CATSPERE: variants seen among roughly 807,000 people sequenced by gnomAD.
CATSPERE encodes the protein cation channel sperm-associated auxiliary subunit epsilon.
A neutral mutation model predicts 114.1 loss-of-function variants in CATSPERE; 93 were observed. That is an observed-to-expected ratio of 0.81 (90% confidence interval 0.69 to 0.97). The LOEUF is 0.97. CATSPERE is among the 50% of genes least tolerant of loss of function. The probability of loss-of-function intolerance (pLI) is 0.00; values close to 1 mark genes in which losing one functional copy is unlikely to be tolerated. For missense variants in CATSPERE, 1,058 were observed against 1,131.6 expected, an observed-to-expected ratio of 0.93 and a Z score of 0.93; for synonymous variants, 341 against 384.1, an observed-to-expected ratio of 0.89 and a Z score of 1.31.
Position 244,617,560 on chromosome 1 carries a change from GA to G in CATSPERE, c.2526del (p.Lys842AsnfsTer5), listed in dbSNP as rs1490073687. 1 of 1,526,692 alleles carries G rather than the reference GA, an allele frequency of 6.6e-7. No individual in the cohort carries two copies. The highest frequency in any genetic ancestry group is 8.8e-7 in the Non-Finnish European group (1 of 1,139,608). The allele number at this position is 1,526,692 out of a possible 1,614,324, so 94.6% of individuals were successfully genotyped here. A position where few individuals can be genotyped will look rare whatever the true frequency, so the allele number is the denominator to read the frequency against. On this transcript the variant is annotated frameshift_variant, in exon 20 of 22. Transcript: ENST00000366534. LOFTEE classifies it high-confidence loss of function. ...NYKHCFSYAI[G>X]KPGDLNQPYE... ...AAACACTGTTTTTCTTATGCTATTG[GA>G]AAACCAGGAGACTTAAATCAACCAT... is the stretch of plus-strand genomic sequence containing the variant.
chr1:244,595,720 A>T (rs1668303674), intron 17 of CATSPERE, among the ~76,000 whole-genome samples: 2 of 152,178 alleles, frequency 1.3e-5, no homozygotes, highest in Admixed American at 1.3e-4. Context: ...TCACGAGGTC[A>T]GGAGATCAAG....
rs368799106 is a variant in CATSPERE at position 244,637,060 on chromosome 1, G to A, written c.2702+1518G>A. ...CCTTGGGGAAACCAGACTCTCCCCC[G>A]AGGACACTGCTCCACCTTCTGGCCT... On this transcript the variant is annotated intron_variant, in intron 21 of 21. Transcript: ENST00000366534. Among the ~76,000 whole-genome samples the A allele has an allele frequency of 3.1e-4, 47 of 151,994 alleles. No individual in the cohort carries two copies. In the East Asian group the frequency reaches 6.8e-3, roughly 22 times the overall value.
rs145197836 is a variant in CATSPERE at position 244,572,372 on chromosome 1, T to A, written c.1550T>A (p.Ile517Lys). The A allele has an allele frequency of 1.7e-5, 26 of 1,520,042 alleles. No individual in the cohort carries two copies. Among genetic ancestry groups the A allele is most frequent in the African/African-American group, 5.5e-5 (4 of 72,314 alleles). The allele number at this position is 1,520,042 out of a possible 1,614,324, so 94.2% of individuals were successfully genotyped here. ...DILVKMENNV[I>K]FYSKINTRDA... is the part of the protein sequence containing the mutation. The stretch of plus-strand genomic sequence containing the variant: ...TTGGTAAAAATGGAAAATAATGTAA[T>A]ATTTTATTCCAAGATTAATACTAGA... The change falls in exon 11 of 22, where the codon ATA (isoleucine) becomes AAA (lysine). Residue 517 changes from isoleucine to lysine, a missense_variant. Physicochemically the swap from Ile to Lys is moderately radical, Grantham distance 102. This residue lies in a region of CATSPERE where 787 missense variants were observed against 905.6 expected (regional missense o/e 0.87). Coordinates refer to ENST00000366534, the MANE Select transcript of CATSPERE (RefSeq NM_001130957.2).
chr1:244,583,532 A>G (rs1472301857), intron 12 of CATSPERE, among the ~76,000 whole-genome samples: 2 of 152,336 alleles, frequency 1.3e-5, no homozygotes, highest in East Asian at 3.9e-4. Context: ...TGTCTGCAGC[A>G]GAGCCCCATT....
At chr1:244,556,987 T>C (rs1661681813) in intron 9 of CATSPERE, among the ~76,000 whole-genome samples, 1 of 152,198 alleles carries the variant, frequency 6.6e-6, no homozygotes, top group Non-Finnish European at 1.5e-5. Flanking sequence ...GACTCTTCTA[T>C]CTGGATTGTG....
intron 2 of CATSPERE, among the ~76,000 whole-genome samples, chr1:244,469,271 T>G (rs1425353370): frequency 6.6e-6 from 1 of 152,108 alleles, no homozygotes; most frequent in Non-Finnish European, 1.5e-5. Flanking sequence ...TAGACATACA[T>G]AAAAGTATGG....
chr1:244,459,520 T>C (rs1216154221), upstream of CATSPERE, among the ~76,000 whole-genome samples: 1 of 152,224 alleles, frequency 6.6e-6, no homozygotes, highest in African/African-American at 2.4e-5. Context: ...AAGACTAAAG[T>C]TTATTTTGTA....
intron 10 of CATSPERE, among the ~76,000 whole-genome samples, chr1:244,569,332 C>T (rs563778514): frequency 1.3e-5 from 2 of 152,320 alleles, no homozygotes; most frequent in South Asian, 2.1e-4. Flanking sequence ...CCGCCTTCTG[C>T]GTTGATCTCG....
rs1440415037 is a variant in CATSPERE, at chr1:244,640,250, A to G, written c.*169A>G. On this transcript the variant is annotated 3_prime_UTR_variant, in exon 22 of 22. Coordinates refer to ENST00000366534, the MANE Select transcript of CATSPERE (RefSeq NM_001130957.2). ...TTCTTGAACTATCTCCAAAATAGAA[A>G]TGTTTTCATATATATTGTTATTAAA... is the stretch of plus-strand genomic sequence containing the variant. 2.0e-6 allele frequency: 1 copy of G among 511,578 alleles called. No homozygotes were observed. The highest frequency in any genetic ancestry group is 3.3e-5 in the East Asian group (1 of 29,890). 31.7% of individuals were successfully genotyped at this position (511,578 alleles called of 1,614,324 possible). A position where few individuals can be genotyped will look rare whatever the true frequency, so the allele number is the denominator to read the frequency against.
chr1:244,458,481 T>G (rs966565081), upstream of CATSPERE, among the ~76,000 whole-genome samples: 1 of 152,216 alleles, frequency 6.6e-6, no homozygotes, highest in South Asian at 2.1e-4. Flanking sequence ...TATAGGACTC[T>G]GAGTGCAGGT....
intron 20 of CATSPERE, among the ~76,000 whole-genome samples, chr1:244,630,558 A>G (rs1304554355): frequency 1.3e-5 from 2 of 152,222 alleles, no homozygotes; most frequent in African/African-American, 4.8e-5. Flanking sequence ...TCAGTCCCCA[A>G]AACTCATCAG....
chr1:244,487,964 G>A (rs966874337), intron 5 of CATSPERE, among the ~76,000 whole-genome samples: 3 of 152,106 alleles, frequency 2.0e-5, no homozygotes, highest in Admixed American at 6.6e-5. Context: ...CCAGGCTCTC[G>A]ACACCTATTG....
chr1:244,611,546 G>T (rs553603000), intron 19 of CATSPERE, among the ~76,000 whole-genome samples: 1 of 152,152 alleles, frequency 6.6e-6, no homozygotes, highest in African/African-American at 2.4e-5. Flanking sequence ...AGTGAGCCAT[G>T]ATCATGCCTC....
chr1:244,616,782 C>T (rs544117519), intron 19 of CATSPERE, among the ~76,000 whole-genome samples: 162 of 152,328 alleles, frequency 1.1e-3, no homozygotes, highest in African/African-American at 3.6e-3. Flanking sequence ...GCATTCAAAC[C>T]ATAGTAACCT....
rs56940000 is a variant in CATSPERE at position 244,621,214 on chromosome 1, T to TAGATAG, written c.2648+3529_2648+3530insGATAGA. ...ATATATTTATATAGATATATTTATA[T>TAGATAG]ATATATTTATATAAATATATTTATA... On this transcript the variant is annotated intron_variant, in intron 20 of 21. Transcript: ENST00000366534. Among the ~76,000 whole-genome samples the TAGATAG allele has an allele frequency of 5.2e-4, 11 of 20,966 alleles. 2 individuals are homozygous for TAGATAG. Among genetic ancestry groups the TAGATAG allele is most frequent in the African/African-American group, 2.2e-3 (11 of 5,064 alleles). 13.8% of individuals were successfully genotyped at this position (20,966 alleles called of 152,430 possible).
intron 8 of CATSPERE, among the ~76,000 whole-genome samples, chr1:244,542,009 G>C (rs2148461749): frequency 8.2e-6 from 1 of 122,030 alleles, no homozygotes; most frequent in African/African-American, 3.1e-5. Flanking sequence ...GACTGTTGTG[G>C]GGTGGGGGGA....
chr1:244,583,978 A>T (rs1411119947), intron 13 of CATSPERE, 39 bp downstream of exon 13: 1 of 1,569,392 alleles, frequency 6.4e-7, no homozygotes. Context: ...ATTTCACTTC[A>T]AGAATGTATA....
chr1:244,569,179 G>A (rs577403322), intron 10 of CATSPERE, among the ~76,000 whole-genome samples: 2 of 152,206 alleles, frequency 1.3e-5, no homozygotes, highest in African/African-American at 2.4e-5. Context: ...GGCTTCCCTT[G>A]GCTAGGGGAG....
intron 8 of CATSPERE, among the ~76,000 whole-genome samples, chr1:244,534,458 C>T (rs1420202292): frequency 2.0e-5 from 3 of 151,954 alleles, no homozygotes; most frequent in Non-Finnish European, 2.9e-5. Context: ...CTTTTCTATT[C>T]TTTTTTCTAT....
Sources: allele counts gnomAD v4.1 joint callset (sites outside exome capture counted in the v4.1 genomes callset), GRCh38; gene constraint gnomAD v4.1.1; regional missense constraint gnomAD v4.1.1; transcripts MANE v1.5; gene names NCBI Gene and HGNC (gene_info 2026-07-23, HGNC 2026-07-21).